The following GPHN variants were observed in gnomAD, a reference collection of about 807,000 sequenced individuals.
GPHN encodes gephyrin.
Under a neutral mutation model 95.5 loss-of-function variants are expected in GPHN, and 17 were observed. That is an observed-to-expected ratio of 0.18 (90% CI 0.12 to 0.27). The LOEUF is 0.27. Ranked by LOEUF, GPHN falls within the 10% of genes least tolerant of loss-of-function variation. The probability of loss-of-function intolerance (pLI) is 1.00; values close to 1 mark genes in which losing one functional copy is unlikely to be tolerated. For synonymous variants in GPHN, 320 were observed against 322.5 expected, an observed-to-expected ratio of 0.99 and a Z score of 0.08; for missense variants, 660 against 978.1, an observed-to-expected ratio of 0.67 and a Z score of 4.34.
the GPHN span, chr14:67,312,682 T>TA: frequency 6.2e-7 from 1 of 1,611,044 alleles, no homozygotes; most frequent in East Asian, 2.2e-5. Flanking sequence ...GGGACGAAGA[T>TA]AATCAACCTC....
rs370505216 is a variant in GPHN at position 66,590,919 on chromosome 14, C to T, written c.64+82328C>T. Among the ~76,000 whole-genome samples, 4 of 152,144 alleles carry T rather than the reference C, an allele frequency of 2.6e-5. No individual in the cohort carries two copies. In the East Asian group the frequency reaches 7.7e-4, roughly 29 times the overall value. ...GCAAAAATCCTCAATAAAATACTGGCAAACCGAATCCAGCAGCACATCAAA... is the reference window on the plus strand; with the variant it reads ...GCAAAAATCCTCAATAAAATACTGGTAAACCGAATCCAGCAGCACATCAAA... On this transcript the variant is annotated intron_variant, in intron 1 of 22. Coordinates refer to ENST00000478722, the MANE Select transcript of GPHN (RefSeq NM_020806.5).
chr14:66,697,201 T>C (rs1033260015), intron 2 of GPHN, among the ~76,000 whole-genome samples: 4 of 152,216 alleles, frequency 2.6e-5, no homozygotes, highest in African/African-American at 9.6e-5. Flanking sequence ...TCTACTTAAA[T>C]ATTAGTTGGA....
the GPHN span, among the ~76,000 whole-genome samples, chr14:67,720,601 C>A: frequency 6.6e-6 from 1 of 152,280 alleles, no homozygotes; most frequent in East Asian, 1.9e-4. Flanking sequence ...TTTGAAATGG[C>A]ATTTTCATCA....
At chr14:66,952,116 A>C (rs2153579410) in intron 8 of GPHN, among the ~76,000 whole-genome samples, 1 of 152,292 alleles carries the variant, frequency 6.6e-6, no homozygotes, top group South Asian at 2.1e-4. Context: ...GTGTTGTACA[A>C]CTATTTTATC....
intron 5 of GPHN, among the ~76,000 whole-genome samples, chr14:66,912,438 A>G (rs1433950437): frequency 2.0e-5 from 3 of 152,246 alleles, no homozygotes; most frequent in African/African-American, 4.8e-5. Flanking sequence ...ATACATTTAC[A>G]TTTATTTAAA....
At chr14:66,933,014 G>T (rs2066908420) in intron 8 of GPHN, among the ~76,000 whole-genome samples, 1 of 152,198 alleles carries the variant, frequency 6.6e-6, no homozygotes, top group African/African-American at 2.4e-5. Context: ...TATAGCATCA[G>T]TGAAGACTTT....
chr14:67,360,233 C>T, the GPHN span: 1 of 400,038 alleles, frequency 2.5e-6, no homozygotes, highest in Non-Finnish European at 4.4e-6. Context: ...CCATGATCTA[C>T]ATTCGTCCTT....
At chr14:67,020,013 A>G (rs1276473259) in intron 9 of GPHN, among the ~76,000 whole-genome samples, 5 of 152,138 alleles carry the variant, frequency 3.3e-5, no homozygotes, top group African/African-American at 1.2e-4. Context: ...GTGGGGAGGT[A>G]AATGGATGGT....
At chr14:67,120,414 T>C (rs1425945404) in intron 16 of GPHN, among the ~76,000 whole-genome samples, 1 of 152,220 alleles carries the variant, frequency 6.6e-6, no homozygotes, top group Non-Finnish European at 1.5e-5. Context: ...TTATTTAAAA[T>C]ACACTGTAAA....
the GPHN span, among the ~76,000 whole-genome samples, chr14:67,243,489 ATTTTTTTTT>A: frequency 2.0e-5 from 2 of 100,292 alleles, no homozygotes; most frequent in African/African-American, 4.1e-5. Context: ...CCAGAATATA[ATTTTTTTTT>A]TTTTTTTTTT....
intron 8 of GPHN, among the ~76,000 whole-genome samples, chr14:66,934,362 T>A (rs1043126263): frequency 2.6e-5 from 4 of 152,170 alleles, no homozygotes; most frequent in African/African-American, 9.7e-5. Flanking sequence ...CCTCTTGTAA[T>A]TGACATTTGT....
At chr14:67,657,624 C>CACACACACACACA in the GPHN span, among the ~76,000 whole-genome samples, 6 of 143,056 alleles carry the variant, frequency 4.2e-5, no homozygotes, top group African/African-American at 1.7e-4. Flanking sequence ...ACACACACAC[C>CACACACACACACA]CAAAATCAAA....
chr14:67,648,138 AC>A, the GPHN span: 1 of 1,614,054 alleles, frequency 6.2e-7, no homozygotes, highest in South Asian at 1.1e-5. Flanking sequence ...CGGGGGACTA[AC>A]CTATCGAGAA....
the GPHN span, among the ~76,000 whole-genome samples, chr14:67,506,205 A>G: frequency 0.73 from 110,630 of 151,972 alleles, 42,098 homozygotes; most frequent in Non-Finnish European, 0.85. Flanking sequence ...AGTTTTTTCC[A>G]TGGGACTCTG....
the GPHN span, among the ~76,000 whole-genome samples, chr14:67,660,726 G>C: frequency 6.6e-6 from 1 of 152,192 alleles, no homozygotes; most frequent in Non-Finnish European, 1.5e-5. Flanking sequence ...ACATCCACAA[G>C]AGGCCCTAAA....
At chr14:67,034,647 G>A (rs2074334166) in intron 10 of GPHN, among the ~76,000 whole-genome samples, 1 of 152,084 alleles carries the variant, frequency 6.6e-6, no homozygotes, top group African/African-American at 2.4e-5. Context: ...GGTGGCCATA[G>A]TTATATCAGA....
intron 1 of GPHN, among the ~76,000 whole-genome samples, chr14:66,627,132 C>T (rs945531510): frequency 6.6e-6 from 1 of 151,896 alleles, no homozygotes; most frequent in Non-Finnish European, 1.5e-5. Context: ...CATATAATTA[C>T]TATTGAACTT....
chr14:67,714,569 AG>A, the GPHN span: 1 of 165,354 alleles, frequency 6.0e-6, no homozygotes, highest in East Asian at 1.7e-4. Flanking sequence ...GGGAAAGAGG[AG>A]GGACACCAAT....
chr14:67,093,689 G>A (rs763751438), intron 12 of GPHN, among the ~76,000 whole-genome samples: 2 of 151,918 alleles, frequency 1.3e-5, no homozygotes, highest in Admixed American at 6.6e-5. Context: ...AAGAATACAC[G>A]ATGCCTTCTT....
Sources: allele counts gnomAD v4.1 joint callset (sites outside exome capture counted in the v4.1 genomes callset), GRCh38; gene constraint gnomAD v4.1.1; transcripts MANE v1.5; gene names NCBI Gene and HGNC (gene_info 2026-07-23, HGNC 2026-07-21).